MYO5B: variants seen among roughly 807,000 people sequenced by gnomAD.
MYO5B encodes unconventional myosin-Vb.
A neutral mutation model predicts 229.3 loss-of-function variants in MYO5B; 143 were observed. That is an observed-to-expected ratio of 0.62 (90% confidence interval 0.54 to 0.72). The LOEUF is 0.72. Ranked by LOEUF, MYO5B falls within the 30% of genes least tolerant of loss-of-function variation. The pLI is 0.00. For synonymous variants in MYO5B, 918 were observed against 885.2 expected, an observed-to-expected ratio of 1.04 and a Z score of -0.66; for missense variants, 2,321 against 2,331.0, an observed-to-expected ratio of 1.00 and a Z score of 0.09.
At chr18:50,011,297 G>T (rs146083410) in intron 4 of MYO5B, among the ~76,000 whole-genome samples, 4,128 of 152,258 alleles carry the variant, frequency 0.027, 73 homozygotes, top group Non-Finnish European at 0.043. Context: ...AGCCAAGATC[G>T]TGCCACTGCA....
intron 13 of MYO5B, among the ~76,000 whole-genome samples, chr18:49,954,022 ATATGTGTGTGTGTGTGTGTGTGTGTG>A (rs1473153472): frequency 7.7e-6 from 1 of 129,812 alleles, no homozygotes; most frequent in African/African-American, 3.0e-5. Flanking sequence ...GTATGTATTT[ATATGTGTGTGTGTGTGTGTGTGTGTG>A]TGTGTGTGTG....
At chr18:49,938,394 T>C (rs771651173) in intron 14 of MYO5B, among the ~76,000 whole-genome samples, 1 of 152,020 alleles carries the variant, frequency 6.6e-6, no homozygotes, top group Non-Finnish European at 1.5e-5. Context: ...AAGTCAATGC[T>C]GGGGCTAGAA....
At chr18:49,997,297 A>T (rs1409482790) in intron 5 of MYO5B, among the ~76,000 whole-genome samples, 1 of 133,996 alleles carries the variant, frequency 7.5e-6, no homozygotes, top group Admixed American at 7.3e-5. Context: ...AAAAAAAAAA[A>T]GCAAATCCTG....
At chr18:49,889,991 T>C (rs1435261542) in intron 22 of MYO5B, among the ~76,000 whole-genome samples, 1 of 152,218 alleles carries the variant, frequency 6.6e-6, no homozygotes, top group East Asian at 1.9e-4. Flanking sequence ...TACATTAAAG[T>C]GGCCTCAGGG....
At chr18:50,115,822 AG>A (rs1296159476) in intron 1 of MYO5B, among the ~76,000 whole-genome samples, 1 of 113,892 alleles carries the variant, frequency 8.8e-6, no homozygotes, top group Non-Finnish European at 1.9e-5. Context: ...GGTATGTGGG[AG>A]GGGGGAGGGT....
rs1455622753 is a variant in MYO5B at position 49,847,270 on chromosome 18, C to G, written c.4335G>C (p.Gln1445His). The stretch of plus-strand genomic sequence containing the variant: ...TGAGCTCATGGCGCTTCCTCTCACT[C>G]TGGGCCAATGCCTGGGCAGCTGAGC... ...QDLEAAQALA[Q>H]SERKRHELNR... Residue 1445 changes from glutamine (Q) to histidine (H), a missense_variant, in exon 33 of 40, where the codon CAG (glutamine) becomes CAC (histidine). Around this residue, in one of 2 missense-constraint regions of MYO5B, gnomAD observed 2,113 missense variants for 2,044.7 expected, o/e 1.03. Transcript: ENST00000285039. The G allele has an allele frequency of 2.5e-6, 4 of 1,613,600 alleles. No homozygotes were observed. Among genetic ancestry groups the G allele is most frequent in the Non-Finnish European group, 3.4e-6 (4 of 1,180,046 alleles).
chr18:49,972,552 C>A (rs1489672912), intron 10 of MYO5B, among the ~76,000 whole-genome samples: 1 of 152,188 alleles, frequency 6.6e-6, no homozygotes, highest in Non-Finnish European at 1.5e-5. Context: ...TAAATCAAAA[C>A]CTCAGTAAAA....
At chr18:49,866,294 C>G (rs182354543) in intron 27 of MYO5B, among the ~76,000 whole-genome samples, 13 of 152,056 alleles carry the variant, frequency 8.5e-5, no homozygotes, top group Admixed American at 5.9e-4. Context: ...TGGTCTCGAT[C>G]TCCTGACCTC....
At chr18:50,160,847 G>A (rs1705528) in intron 1 of MYO5B, among the ~76,000 whole-genome samples, 67,581 of 152,000 alleles carry the variant, frequency 0.44, 15,193 homozygotes, top group Admixed American at 0.52. Flanking sequence ...GTTCAGAACT[G>A]TGTGGAGACT....
rs1033894605 is a variant in MYO5B, at chr18:50,001,161, C to G, written c.612+94G>C. 48 of 1,498,900 alleles carry G rather than the reference C, an allele frequency of 3.2e-5. 1 individual carries two copies. In the African/African-American group the frequency reaches 6.1e-4, roughly 19 times the overall value. 92.9% of individuals were successfully genotyped at this position (1,498,900 alleles called of 1,614,324 possible). A position where few individuals can be genotyped will look rare whatever the true frequency, so the allele number is the denominator to read the frequency against. The stretch of plus-strand genomic sequence containing the variant: ...TGGACAGAGGGCTCTCAGGGAGAGG[C>G]GTGAAGGCTGCCACCCAGGCTTGAC... On this transcript the variant is annotated intron_variant, in intron 5 of 39. Coordinates refer to ENST00000285039, the MANE Select transcript of MYO5B (RefSeq NM_001080467.3).
intron 6 of MYO5B, among the ~76,000 whole-genome samples, chr18:49,991,287 A>T (rs777553684): frequency 1.3e-5 from 2 of 152,160 alleles, no homozygotes; most frequent in African/African-American, 2.4e-5. Context: ...CAGCATGGAG[A>T]TGTCACCAAG....
At chr18:50,138,609 A>G (rs1157255216) in intron 1 of MYO5B, among the ~76,000 whole-genome samples, 1 of 152,066 alleles carries the variant, frequency 6.6e-6, no homozygotes, top group African/African-American at 2.4e-5. Context: ...ATGCTAAACC[A>G]CAGTGAAATG....
intron 4 of MYO5B, among the ~76,000 whole-genome samples, chr18:50,027,085 A>G (rs950455285): frequency 2.0e-5 from 3 of 152,248 alleles, no homozygotes; most frequent in Non-Finnish European, 4.4e-5. Flanking sequence ...CAGTAGAAAA[A>G]GAAAGAGTGG....
intron 9 of MYO5B, among the ~76,000 whole-genome samples, chr18:49,976,201 C>T (rs1301544598): frequency 6.6e-6 from 1 of 152,188 alleles, no homozygotes; most frequent in African/African-American, 2.4e-5. Context: ...TTGTGGGACT[C>T]ATTTTCTGAT....
At position 49,992,514 on chromosome 18, in the gene MYO5B, T is replaced by C. The variant is rs372459863; in HGVS notation, c.613-83A>G. 104 of 1,583,844 alleles carry C rather than the reference T, an allele frequency of 6.6e-5. No individual in the cohort carries two copies. In the African/African-American group the frequency reaches 1.3e-3, roughly 19 times the overall value. ...GATTGTATGTTTGTGGCAGCATGTG[T>C]CCCCTTTCTCTTCCTTACTTACAGA... On this transcript the variant is annotated intron_variant, in intron 5 of 39. Coordinates refer to ENST00000285039, the MANE Select transcript of MYO5B (RefSeq NM_001080467.3).
intron 1 of MYO5B, among the ~76,000 whole-genome samples, chr18:50,147,307 T>C (rs2032520129): frequency 6.6e-6 from 1 of 152,168 alleles, no homozygotes; most frequent in Non-Finnish European, 1.5e-5. Flanking sequence ...CCAGTGAGTC[T>C]GAAGGTCTTT....
chr18:50,040,494 T>C (rs555323521), intron 2 of MYO5B, among the ~76,000 whole-genome samples, 180 bp from the exon 3 acceptor site: 1 of 152,248 alleles, frequency 6.6e-6, no homozygotes, highest in Admixed American at 6.5e-5. Context: ...CCAGTCCAGA[T>C]GGAAAATTTG....
At chr18:49,869,906 C>T (rs141329415) in intron 27 of MYO5B, among the ~76,000 whole-genome samples, 9 of 152,218 alleles carry the variant, frequency 5.9e-5, no homozygotes, top group African/African-American at 2.2e-4. Context: ...AGCTACTGGG[C>T]CCCTCTCATT....
chr18:50,148,589 G>A (rs2032543087), intron 1 of MYO5B, among the ~76,000 whole-genome samples: 1 of 152,226 alleles, frequency 6.6e-6, no homozygotes. Flanking sequence ...AAAATCACAT[G>A]ATTATCTCAA....
Sources: allele counts gnomAD v4.1 joint callset (sites outside exome capture counted in the v4.1 genomes callset), GRCh38; gene constraint gnomAD v4.1.1; regional missense constraint gnomAD v4.1.1; transcripts MANE v1.5; gene names NCBI Gene and HGNC (gene_info 2026-07-23, HGNC 2026-07-21).